Variants in UBOX5 observed in about 807,000 individuals in gnomAD.
UBOX5 encodes U-box domain containing 5.
Under a neutral mutation model 39.0 loss-of-function variants are expected in UBOX5, and 28 were observed. The ratio of observed to expected loss-of-function variants is 0.72; its 90% CI spans 0.53 to 0.98. The LOEUF is 0.98. UBOX5 is among the 50% of genes least tolerant of loss of function. UBOX5 has a pLI of 0.00. For synonymous variants in UBOX5, 283 were observed against 275.5 expected (o/e 1.03, Z -0.27); for missense variants, 585 against 674.4 (o/e 0.87, Z 1.47).
intron 1 of UBOX5, among the ~76,000 whole-genome samples, chr20:3,158,498 G>A (rs543803340): frequency 6.6e-6 from 1 of 152,144 alleles, no homozygotes; most frequent in African/African-American, 2.4e-5. Flanking sequence ...ATTTGAGACG[G>A]ACTCTCGCTC....
At chr20:3,154,245 A>T (rs1291839169) in intron 1 of UBOX5, among the ~76,000 whole-genome samples, 2 of 152,234 alleles carry the variant, frequency 1.3e-5, no homozygotes, top group East Asian at 1.9e-4. Context: ...GACGACATAG[A>T]CAGTACCCAG....
chr20:3,147,543 G>A, intron 1 of UBOX5: 1 of 1,614,148 alleles, frequency 6.2e-7, no homozygotes, highest in Non-Finnish European at 8.5e-7. Context: ...TCCTTAAGGA[G>A]GTCAAACTTA....
chr20:3,110,560 T>G, intron 4 of UBOX5: 1 of 531,822 alleles, frequency 1.9e-6, no homozygotes, highest in South Asian at 2.1e-5. Flanking sequence ...AAGAGCTGGC[T>G]TCTGAGGGCA....
intron 1 of UBOX5, among the ~76,000 whole-genome samples, chr20:3,153,411 T>C (rs1296509856): frequency 6.6e-6 from 1 of 152,236 alleles, no homozygotes; most frequent in Admixed American, 6.5e-5. Context: ...CCCATCCTTA[T>C]AACATCTCTG....
chr20:3,130,609 G>A (rs1191842719), intron 1 of UBOX5, among the ~76,000 whole-genome samples: 75 of 151,948 alleles, frequency 4.9e-4, no homozygotes, highest in Non-Finnish European at 1.8e-4. Flanking sequence ...TACTCAAGGG[G>A]TCCTACATGT....
chr20:3,158,350 A>G (rs995413683), intron 1 of UBOX5, among the ~76,000 whole-genome samples: 20 of 152,316 alleles, frequency 1.3e-4, no homozygotes, highest in African/African-American at 4.1e-4. Flanking sequence ...AAATAAACCA[A>G]TGGATGGGGA....
intron 1 of UBOX5, among the ~76,000 whole-genome samples, chr20:3,157,348 G>A (rs1430277620): frequency 6.6e-6 from 1 of 152,188 alleles, no homozygotes; most frequent in East Asian, 1.9e-4. Flanking sequence ...CAAGTTCAGT[G>A]TCACTCGCAG....
intron 1 of UBOX5, among the ~76,000 whole-genome samples, chr20:3,152,950 A>AT (rs1354095364): frequency 6.6e-6 from 1 of 152,038 alleles, no homozygotes; most frequent in Non-Finnish European, 1.5e-5. Flanking sequence ...TAAAGGTCCC[A>AT]TTTTTTAAAT....
At chr20:3,151,234 A>G (rs67494513) in intron 1 of UBOX5, among the ~76,000 whole-genome samples, 16,872 of 152,116 alleles carry the variant, frequency 0.11, 1,558 homozygotes, top group East Asian at 0.43. Flanking sequence ...CCAAATTTCA[A>G]TCTGTGGTTC....
At position 3,122,182 on chromosome 20, in the gene UBOX5, CAGGGG is replaced by C; in HGVS notation, c.452_456del (p.Ser151CysfsTer10). On this transcript the variant is annotated frameshift_variant, in exon 3 of 5. Coordinates refer to ENST00000217173, the MANE Select transcript of UBOX5 (RefSeq NM_014948.4). LOFTEE classifies it high-confidence loss of function. ...TTCCAGAGCTCCTGGGCCACAACAGCAGGGGAGGGGAGTGTGGCTTCCATCGCGCC... is the reference window on the plus strand; with the variant it reads ...TTCCAGAGCTCCTGGGCCACAACAGCAGGGGAGTGTGGCTTCCATCGCGCC... 1 of 1,614,156 alleles carries C rather than the reference CAGGGG, an allele frequency of 6.2e-7. No homozygotes were observed. The highest frequency in any genetic ancestry group is 8.5e-7 in the Non-Finnish European group (1 of 1,180,022).
At chr20:3,120,782 G>A (rs2066329239) in intron 3 of UBOX5, among the ~76,000 whole-genome samples, 1 of 152,198 alleles carries the variant, frequency 6.6e-6, no homozygotes, top group Admixed American at 6.5e-5. Flanking sequence ...TCTTCAGTGT[G>A]GCTTTTCTCT....
At chr20:3,124,763 C>A (rs572389021) in intron 1 of UBOX5, among the ~76,000 whole-genome samples, 1 of 151,060 alleles carries the variant, frequency 6.6e-6, no homozygotes, top group South Asian at 2.1e-4. Context: ...AGCGCCTCTG[C>A]CCAGCCGCCA....
intron 3 of UBOX5, among the ~76,000 whole-genome samples, chr20:3,117,291 A>G (rs1427850822): frequency 1.8e-4 from 2 of 11,184 alleles, no homozygotes; most frequent in Non-Finnish European, 8.5e-4. Context: ...AAGATGGCAC[A>G]CACACACACA....
Position 3,147,486 on chromosome 20 carries a change from T to C in UBOX5, c.-42+12280A>G, listed in dbSNP as rs1327710804. On this transcript the variant is annotated intron_variant, in intron 1 of 4. Transcript: ENST00000217173. ...AGGTGAGTACTAAGACGATTGCCTC[T>C]GTAATCTGGACACTCAATGCCAACT... The C allele has an allele frequency of 1.2e-5, 19 of 1,614,112 alleles. No homozygotes were observed. The highest frequency in any genetic ancestry group is 1.6e-5 in the Non-Finnish European group (19 of 1,180,044).
At chr20:3,121,044 GC>G (rs2066331143) in intron 3 of UBOX5, among the ~76,000 whole-genome samples, 1 of 152,168 alleles carries the variant, frequency 6.6e-6, no homozygotes, top group African/African-American at 2.4e-5. Context: ...GAGGCTTCAA[GC>G]CCAGGAAAAA....
chr20:3,111,381 T>C (rs1261216431), intron 4 of UBOX5, among the ~76,000 whole-genome samples: 1 of 152,176 alleles, frequency 6.6e-6, no homozygotes, highest in African/African-American at 2.4e-5. Context: ...ATTCACCTGC[T>C]CCAGGCTTGT....
chr20:3,133,804 T>C lies in UBOX5; in HGVS notation c.-41-10398A>G, dbSNP rs1481574503. Among the ~76,000 whole-genome samples the C allele has an allele frequency of 2.0e-5, 3 of 151,470 alleles. No homozygotes were observed. In the East Asian group the frequency reaches 5.8e-4, roughly 29 times the overall value. ...CTCCCATGCCCAGGTTGGAAAGCAG[T>C]GGTGCAATCTCGGCTCACTGCAACC... On this transcript the variant is annotated intron_variant, in intron 1 of 4. Transcript: ENST00000217173.
intron 1 of UBOX5, among the ~76,000 whole-genome samples, chr20:3,125,143 GGCA>G (rs1239846487): frequency 2.5e-5 from 3 of 122,348 alleles, no homozygotes; most frequent in Non-Finnish European, 5.1e-5. Context: ...GCCTCTGCCT[GGCA>G]GCCACCCCAT....
In UBOX5 at chr20:3,109,870, G is replaced by C. The variant is rs10720; in HGVS notation, c.*236C>G. ...TCCAGTGGGTCCTGGGCTCAGGCAG[G>C]GGGGGTGGCAGGGAGGCAGGGACAT... On this transcript the variant is annotated 3_prime_UTR_variant, in exon 5 of 5. Coordinates refer to ENST00000217173, the MANE Select transcript of UBOX5 (RefSeq NM_014948.4). The C allele has an allele frequency of 1.5e-5, 9 of 583,886 alleles. No homozygotes were observed. The highest frequency in any genetic ancestry group is 4.6e-4 in the Middle Eastern group (1 of 2,190). The allele number at this position is 583,886 out of a possible 1,614,324, so 36.2% of individuals were successfully genotyped here.
Sources: allele counts gnomAD v4.1 joint callset (sites outside exome capture counted in the v4.1 genomes callset), GRCh38; gene constraint gnomAD v4.1.1; transcripts MANE v1.5; gene names NCBI Gene and HGNC (gene_info 2026-07-23, HGNC 2026-07-21).